The following SOX5 variants were observed in gnomAD, a reference collection of about 807,000 sequenced individuals.
The protein encoded by SOX5 is transcription factor SOX-5.
In SOX5, 9 loss-of-function variants were observed where a neutral mutation model predicts 92.0. The observed-to-expected ratio is 0.10, with a 90% CI of 0.06 to 0.17. The LOEUF is 0.17. Ranked by LOEUF, SOX5 falls within the 10% of genes least tolerant of loss-of-function variation. The pLI, the probability that SOX5 is intolerant of heterozygous loss-of-function variation, is 1.00. For synonymous variants in SOX5, 344 were observed against 336.3 expected, an observed-to-expected ratio of 1.02 and a Z score of -0.25; for missense variants, 642 against 944.5, an observed-to-expected ratio of 0.68 and a Z score of 4.20.
chr12:24,386,085 T>C (rs1171910316), intron 1 of SOX5, among the ~76,000 whole-genome samples: 1 of 152,140 alleles, frequency 6.6e-6, no homozygotes, highest in Non-Finnish European at 1.5e-5. Context: ...CAAAGTATGG[T>C]ATATCCTCAA....
At chr12:23,746,016 C>T (rs1480986976) in intron 4 of SOX5, among the ~76,000 whole-genome samples, 1 of 152,080 alleles carries the variant, frequency 6.6e-6, no homozygotes, top group African/African-American at 2.4e-5. Flanking sequence ...CAAGTTTAAG[C>T]ATGCATAGGA....
chr12:24,328,237 C>G (rs1217006857), intron 2 of SOX5, among the ~76,000 whole-genome samples: 1 of 152,180 alleles, frequency 6.6e-6, no homozygotes, highest in African/African-American at 2.4e-5. Flanking sequence ...AATATGCCCT[C>G]CTCTCAACGT....
intron 3 of SOX5, among the ~76,000 whole-genome samples, chr12:24,222,951 G>A (rs1960857618): frequency 6.6e-6 from 1 of 152,130 alleles, no homozygotes; most frequent in Non-Finnish European, 1.5e-5. Flanking sequence ...AAAACAGTGG[G>A]TGATACAACT....
chr12:24,188,279 A>G (rs1956203462), intron 4 of SOX5, among the ~76,000 whole-genome samples: 2 of 152,208 alleles, frequency 1.3e-5, no homozygotes, highest in Non-Finnish European at 2.9e-5. Flanking sequence ...AAAATCCACA[A>G]GTGACAAAGA....
chr12:24,153,495 T>C (rs897988211), intron 4 of SOX5, among the ~76,000 whole-genome samples: 7 of 152,136 alleles, frequency 4.6e-5, no homozygotes, highest in African/African-American at 1.7e-4. Flanking sequence ...CTTTCTAAAA[T>C]AGTTTTCTAG....
chr12:24,524,149 C>T (rs989465950), intron 1 of SOX5, among the ~76,000 whole-genome samples: 1 of 152,132 alleles, frequency 6.6e-6, no homozygotes, highest in African/African-American at 2.4e-5. Flanking sequence ...GAGTGGGCAC[C>T]ATCTAAACCA....
intron 4 of SOX5, among the ~76,000 whole-genome samples, chr12:24,137,280 G>C (rs1434613380): frequency 6.6e-6 from 1 of 152,136 alleles, no homozygotes; most frequent in Non-Finnish European, 1.5e-5. Flanking sequence ...GGTGTGCCTT[G>C]TACTGAGGAG....
intron 3 of SOX5, among the ~76,000 whole-genome samples, chr12:24,241,483 A>G (rs1259225554): frequency 6.6e-6 from 1 of 152,228 alleles, no homozygotes; most frequent in Admixed American, 6.5e-5. Flanking sequence ...TCCTTAAATC[A>G]GAACTAAGGT....
chr12:23,728,241 G>A lies in SOX5; in HGVS notation c.810+6443C>T, dbSNP rs1405670409. On this transcript the variant is annotated intron_variant, in intron 6 of 14. Coordinates refer to ENST00000451604, the MANE Select transcript of SOX5 (RefSeq NM_006940.6). Reference sequence around the variant, plus strand: ...TAATCTATCTGAATGCCAGGAAATTGTATCCTGTCCAGTTATGATGTATTT... The same window carrying A: ...TAATCTATCTGAATGCCAGGAAATTATATCCTGTCCAGTTATGATGTATTT... Among the ~76,000 whole-genome samples, 3 of 152,290 alleles carry A rather than the reference G, an allele frequency of 2.0e-5. No individual in the cohort carries two copies. In the East Asian group the frequency reaches 5.8e-4, roughly 29 times the overall value.
At chr12:24,218,996 T>G (rs530482536) in intron 3 of SOX5, among the ~76,000 whole-genome samples, 45 of 152,228 alleles carry the variant, frequency 3.0e-4, no homozygotes, top group Non-Finnish European at 5.0e-4. Flanking sequence ...ACTTTTAGAA[T>G]ACAGTTTGTT....
chr12:23,665,471 G>C lies in SOX5; in HGVS notation c.904C>G (p.Pro302Ala). 6.2e-7 allele frequency: 1 copy of C among 1,613,634 alleles called. No homozygotes were observed. The highest frequency in any genetic ancestry group is 8.5e-7 in the Non-Finnish European group (1 of 1,179,634). The change falls in exon 7 of 15, where the codon CCA (proline) becomes GCA (alanine). Residue 302 changes from proline (P) to alanine (A), a missense_variant. Pro to Ala is a conservative substitution (Grantham distance 27). Coordinates refer to ENST00000451604, the MANE Select transcript of SOX5 (RefSeq NM_006940.6). ...AAAQQGFLLP[P>A]GFSYKAGCSD... is the part of the protein sequence containing the mutation. The stretch of plus-strand genomic sequence containing the variant: ...CATCCAGCCTTATAGCTGAAGCCTG[G>C]AGGGAGGAGGAATCCTTGCTGGGCA...
intron 1 of SOX5, among the ~76,000 whole-genome samples, chr12:24,449,864 GTATGTT>G (rs1942007776): frequency 6.6e-6 from 1 of 152,102 alleles, no homozygotes. Flanking sequence ...AGTCCTTTGT[GTATGTT>G]TATGCCACTC....
intron 3 of SOX5, among the ~76,000 whole-genome samples, chr12:23,760,009 A>G (rs1031015203): frequency 6.6e-6 from 1 of 151,880 alleles, no homozygotes; most frequent in Admixed American, 6.6e-5. Context: ...TCATTTTAAG[A>G]TGTGTCATGT....
chr12:24,507,816 A>G lies in SOX5; in HGVS notation c.-251+54513T>C, dbSNP rs1948941925. Among the ~76,000 whole-genome samples the G allele has an allele frequency of 2.0e-5, 3 of 151,918 alleles. No individual in the cohort carries two copies. The South Asian group carries it at 6.2e-4, about 31-fold the overall frequency. ...ATTAAAGGAGAGGATGATAAATGAA[A>G]CAGTATGTCAAAATCTAACATTGAA... On this transcript the variant is annotated intron_variant, in intron 1 of 4. Coordinates refer to the SOX5 transcript ENST00000446891.
intron 1 of SOX5, among the ~76,000 whole-genome samples, chr12:24,459,118 C>T (rs2418177): frequency 0.98 from 149,215 of 152,274 alleles, 73,166 homozygotes; most frequent in East Asian, 1. Flanking sequence ...CTAATCCCAA[C>T]TCCAGTCACT....
At chr12:24,269,869 A>ATTTTT (rs1943497615) in intron 3 of SOX5, among the ~76,000 whole-genome samples, 1 of 58,898 alleles carries the variant, frequency 1.7e-5, no homozygotes, top group African/African-American at 7.2e-5. Context: ...TTTTTTTTTG[A>ATTTTT]GACAAGGTCT....
rs74068332 is a variant in SOX5 at position 24,425,463 on chromosome 12, C to T, written c.-250-56824G>A. Among the ~76,000 whole-genome samples, 424 of 152,294 alleles carry T rather than the reference C, an allele frequency of 2.8e-3. 3 individuals carry two copies. The highest frequency in any genetic ancestry group is 9.5e-3 in the African/African-American group (394 of 41,552). On this transcript the variant is annotated intron_variant, in intron 1 of 4. Coordinates refer to the SOX5 transcript ENST00000446891. ...CACTGCATACCCAAACCATCAAAAC[C>T]ACACTTCACTCTTCCCAGGCCTGAT...
intron 3 of SOX5, among the ~76,000 whole-genome samples, chr12:23,770,709 A>C (rs1342094007): frequency 2.0e-5 from 3 of 152,170 alleles, no homozygotes; most frequent in Non-Finnish European, 4.4e-5. Context: ...CACCTAACTG[A>C]CAAATACTAC....
chr12:24,263,224 T>TAA (rs577153412), intron 3 of SOX5, among the ~76,000 whole-genome samples: 1 of 146,392 alleles, frequency 6.8e-6, no homozygotes, highest in Non-Finnish European at 1.5e-5. Context: ...GACTCCATCT[T>TAA]AAAAAAAGGA....
Sources: gnomAD v4.1 joint callset for allele counts (sites outside exome capture counted in the v4.1 genomes callset) on GRCh38, gnomAD v4.1.1 for gene constraint, MANE v1.5 for transcripts, NCBI Gene and HGNC (gene_info 2026-07-23, HGNC 2026-07-21) for gene names.